NYAP2: variants seen among roughly 807,000 people sequenced by gnomAD.
NYAP2 encodes neuronal tyrosine-phosphorylated phosphoinositide-3-kinase adaptor 2.
NYAP2 carries 23 observed loss-of-function variants against 50.4 expected under a neutral mutation model. That is an observed-to-expected ratio of 0.46 (90% confidence interval 0.33 to 0.65). The LOEUF is 0.65. Ranked by LOEUF, NYAP2 falls within the 30% of genes least tolerant of loss-of-function variation. NYAP2 has a pLI of 0.02. For missense variants in NYAP2, 885 were observed against 861.0 expected, an observed-to-expected ratio of 1.03 and a Z score of -0.35; for synonymous variants, 394 against 365.2, an observed-to-expected ratio of 1.08 and a Z score of -0.90.
intron 4 of NYAP2, among the ~76,000 whole-genome samples, chr2:225,555,015 T>G (rs1357522708): frequency 1.3e-5 from 2 of 152,220 alleles, no homozygotes; most frequent in African/African-American, 4.8e-5. Flanking sequence ...TGCAAGATTA[T>G]AGCAACATAC....
At position 225,591,106 on chromosome 2, in the gene NYAP2, C is replaced by A. The variant is rs73090833; in HGVS notation, c.1618+8071C>A. Reference sequence around the variant, plus strand: ...CAGGCTTTTGGAGGGGGAGGACTAGCCAGAGCATGGCGGGCCCTCCAGATG... The same window carrying A: ...CAGGCTTTTGGAGGGGGAGGACTAGACAGAGCATGGCGGGCCCTCCAGATG... On this transcript the variant is annotated intron_variant, in intron 5 of 6. Transcript: ENST00000636099. 6.1e-3 allele frequency among the ~76,000 whole-genome samples: 927 copies of A among 152,228 alleles called. 12 individuals carry two copies. Among genetic ancestry groups the A allele is most frequent in the African/African-American group, 0.021 (889 of 41,522 alleles).
chr2:225,430,702 T>A (rs1695354268), intron 3 of NYAP2, among the ~76,000 whole-genome samples: 1 of 135,042 alleles, frequency 7.4e-6, no homozygotes, highest in South Asian at 2.3e-4. Flanking sequence ...GGCAGTGCCC[T>A]AACTAGAATG....
intron 4 of NYAP2, among the ~76,000 whole-genome samples, chr2:225,530,488 T>C (rs893435341): frequency 1.1e-4 from 16 of 152,210 alleles, no homozygotes; most frequent in African/African-American, 3.4e-4. Context: ...TGAACCTCCA[T>C]ACTTCCTAAA....
chr2:225,615,639 T>C (rs1463901783), intron 5 of NYAP2, among the ~76,000 whole-genome samples: 1 of 152,170 alleles, frequency 6.6e-6, no homozygotes, highest in East Asian at 1.9e-4. Context: ...GTGTAGGTAC[T>C]CCCGATGCAA....
the NYAP2 span, among the ~76,000 whole-genome samples, chr2:225,666,658 T>G: frequency 6.6e-6 from 1 of 152,140 alleles, no homozygotes; most frequent in African/African-American, 2.4e-5. Flanking sequence ...GATAAAAGAT[T>G]GTGGAGACCA....
chr2:225,509,030 G>A (rs1690762489), intron 3 of NYAP2, among the ~76,000 whole-genome samples: 1 of 152,134 alleles, frequency 6.6e-6, no homozygotes, highest in Admixed American at 6.5e-5. Context: ...TGCAGTTAGT[G>A]AGATAAACTA....
intron 5 of NYAP2, among the ~76,000 whole-genome samples, chr2:225,608,230 A>T (rs1305877634): frequency 2.0e-5 from 3 of 152,178 alleles, no homozygotes; most frequent in African/African-American, 7.2e-5. Context: ...TTTTAAAACT[A>T]GGTCTGTACA....
chr2:225,603,106 A>C (rs887262310), intron 5 of NYAP2, among the ~76,000 whole-genome samples: 1 of 152,114 alleles, frequency 6.6e-6, no homozygotes, highest in African/African-American at 2.4e-5. Flanking sequence ...TTTTTTTAGC[A>C]ATGTTTAAAG....
chr2:225,410,352 G>A (rs930674440), intron 3 of NYAP2, among the ~76,000 whole-genome samples: 4 of 151,886 alleles, frequency 2.6e-5, no homozygotes, highest in African/African-American at 7.2e-5. Context: ...TGAGGACTAT[G>A]TTATTTTGAT....
intron 3 of NYAP2, among the ~76,000 whole-genome samples, chr2:225,424,296 C>T (rs1695256006): frequency 6.6e-6 from 1 of 152,050 alleles, no homozygotes; most frequent in African/African-American, 2.4e-5. Context: ...TCAATCTCAT[C>T]TGCTTACTTT....
At chr2:225,672,705 C>A in the NYAP2 span, among the ~76,000 whole-genome samples, 2 of 152,038 alleles carry the variant, frequency 1.3e-5, no homozygotes, top group African/African-American at 2.4e-5. Flanking sequence ...GAGTAATGTG[C>A]AGCTTTTCCT....
intron 4 of NYAP2, among the ~76,000 whole-genome samples, chr2:225,529,526 T>C (rs1264634524): frequency 6.6e-6 from 1 of 152,066 alleles, no homozygotes; most frequent in Non-Finnish European, 1.5e-5. Context: ...GGTTTTGCCA[T>C]GTTGGACAGG....
the NYAP2 span, among the ~76,000 whole-genome samples, chr2:225,679,136 C>A: frequency 2.0e-5 from 3 of 151,796 alleles, no homozygotes; most frequent in Admixed American, 6.6e-5. Context: ...AGTATGGACA[C>A]AATAACAATT....
At chr2:225,662,917 C>G in the NYAP2 span, among the ~76,000 whole-genome samples, 2 of 152,150 alleles carry the variant, frequency 1.3e-5, no homozygotes, top group African/African-American at 4.8e-5. Flanking sequence ...ACACTCATAT[C>G]CGACGATCGC....
the NYAP2 span, among the ~76,000 whole-genome samples, chr2:225,688,166 T>C: frequency 1.3e-5 from 2 of 152,290 alleles, no homozygotes; most frequent in Admixed American, 1.3e-4. Context: ...AAAGAGACGT[T>C]CTCAGTCATT....
chr2:225,661,935 G>A, the NYAP2 span, among the ~76,000 whole-genome samples: 3 of 152,054 alleles, frequency 2.0e-5, no homozygotes, highest in African/African-American at 4.8e-5. Flanking sequence ...TGTTGGCCAG[G>A]CTGGTCTCGA....
chr2:225,693,525 G>T, the NYAP2 span, among the ~76,000 whole-genome samples: 1 of 151,986 alleles, frequency 6.6e-6, no homozygotes, highest in African/African-American at 2.4e-5. Flanking sequence ...ACACTGGGTA[G>T]CTTATAAACA....
At chr2:225,539,077 T>C (rs1436474072) in intron 4 of NYAP2, among the ~76,000 whole-genome samples, 1 of 152,096 alleles carries the variant, frequency 6.6e-6, no homozygotes, top group African/African-American at 2.4e-5. Flanking sequence ...TTCCCACTTA[T>C]GAGTGAGAAC....
rs1489277498 is a variant in NYAP2 at position 225,555,055 on chromosome 2, TCA to T, written c.524-26883_524-26882del. The stretch of plus-strand genomic sequence containing the variant: ...ACTTCAAGCATTTTCCAGTTTTTCT[TCA>T]CAGTTTTCCATCTTTATTATCTATA... On this transcript the variant is annotated intron_variant, in intron 4 of 6. Coordinates refer to ENST00000636099, the Ensembl canonical transcript of NYAP2. 4.6e-5 allele frequency among the ~76,000 whole-genome samples: 7 copies of T among 152,294 alleles called. No homozygotes were observed. In the East Asian group the frequency reaches 1.4e-3, roughly 29 times the overall value.
Sources: allele counts gnomAD v4.1 joint callset (sites outside exome capture counted in the v4.1 genomes callset), GRCh38; gene constraint gnomAD v4.1.1; transcripts MANE v1.5; gene names NCBI Gene and HGNC (gene_info 2026-07-23, HGNC 2026-07-21).